Variants in FBXL13 observed in about 807,000 individuals in gnomAD.
FBXL13 encodes F-box and leucine-rich repeat protein 13.
Under a neutral mutation model 83.6 loss-of-function variants are expected in FBXL13, and 67 were observed. That is an observed-to-expected ratio of 0.80 (90% CI 0.66 to 0.98). FBXL13 has a LOEUF of 0.98. FBXL13 is among the 50% of genes least tolerant of loss of function. FBXL13 has a pLI of 0.00. For synonymous variants in FBXL13, 272 were observed against 299.5 expected (o/e 0.91, Z 0.95); for missense variants, 822 against 866.5 (o/e 0.95, Z 0.64).
chr7:102,885,649 T>C (rs1019057245), intron 11 of FBXL13, among the ~76,000 whole-genome samples: 6 of 152,220 alleles, frequency 3.9e-5, no homozygotes, highest in African/African-American at 1.4e-4. Flanking sequence ...TATTTTTTCT[T>C]TTGTTGTTCA....
exon 8 of FBXL13, chr7:102,963,602 A>T: frequency 6.2e-7 from 1 of 1,613,144 alleles, no homozygotes; most frequent in Non-Finnish European, 8.5e-7. Flanking sequence ...TTTAAACGCC[A>T]CCTTTGCAAA....
chr7:102,857,847 C>T (rs1806253715), intron 16 of FBXL13: 1 of 152,146 alleles, frequency 6.6e-6, no homozygotes, highest in African/African-American at 2.4e-5. Flanking sequence ...AACTCCTATA[C>T]ACTGTTGGTG....
chr7:103,009,035 A>G (rs1791297502), intron 6 of FBXL13, among the ~76,000 whole-genome samples: 1 of 152,160 alleles, frequency 6.6e-6, no homozygotes, highest in Non-Finnish European at 1.5e-5. Context: ...GGTATTTAAA[A>G]TGCATATTTT....
At chr7:102,904,708 GTTTA>G (rs1813482365) in intron 11 of FBXL13, among the ~76,000 whole-genome samples, 1 of 149,564 alleles carries the variant, frequency 6.7e-6, no homozygotes, top group Admixed American at 6.7e-5. Context: ...TCATCAGATT[GTTTA>G]TTTATAGTTT....
At chr7:102,962,351 G>A (rs1825367003) in intron 8 of FBXL13, among the ~76,000 whole-genome samples, 1 of 152,184 alleles carries the variant, frequency 6.6e-6, no homozygotes, top group African/African-American at 2.4e-5. Flanking sequence ...TGGAGAGGAT[G>A]TGGAGAAATA....
intron 11 of FBXL13, among the ~76,000 whole-genome samples, chr7:102,912,687 A>C (rs1814978885): frequency 8.5e-6 from 1 of 117,846 alleles, no homozygotes; most frequent in African/African-American, 3.1e-5. Context: ...CCCCCCCCAA[A>C]AAAAAACCCA....
At chr7:102,944,481 C>A (rs1364971213) in intron 8 of FBXL13, 11 of 1,613,804 alleles carry the variant, frequency 6.8e-6, no homozygotes, top group African/African-American at 1.3e-5. Context: ...ATGAAGAATG[C>A]CCCAAAGACA....
At chr7:103,015,038 C>A (rs188980254) in intron 6 of FBXL13, among the ~76,000 whole-genome samples, 1 of 151,366 alleles carries the variant, frequency 6.6e-6, no homozygotes. Flanking sequence ...AAGGTTGGTT[C>A]AACACATGCA....
intron 8 of FBXL13, chr7:102,934,221 A>C: frequency 1.2e-6 from 2 of 1,614,224 alleles, no homozygotes; most frequent in Non-Finnish European, 1.7e-6. Flanking sequence ...ATGTTTTCCA[A>C]GTTTAAAAAG....
At chr7:102,891,479 A>G (rs1188961386) in intron 11 of FBXL13, among the ~76,000 whole-genome samples, 2 of 152,248 alleles carry the variant, frequency 1.3e-5, no homozygotes, top group East Asian at 1.9e-4. Context: ...CATCTTAGCC[A>G]TAACTGTATC....
intron 11 of FBXL13, among the ~76,000 whole-genome samples, chr7:102,909,192 G>A (rs1041432472): frequency 3.9e-5 from 6 of 152,206 alleles, no homozygotes; most frequent in African/African-American, 1.4e-4. Flanking sequence ...CCCAGGCCAT[G>A]AGTAGTATTG....
chr7:102,825,901 A>G (rs1488223838), intron 18 of FBXL13, among the ~76,000 whole-genome samples: 45 of 152,226 alleles, frequency 3.0e-4, no homozygotes, highest in Non-Finnish European at 5.9e-5. Flanking sequence ...TCCGAGCCTC[A>G]GTTTCCCCAT....
At chr7:102,967,903 A>G (rs1826165326) in intron 7 of FBXL13, 119 bp downstream of exon 8, 2 of 605,736 alleles carry the variant, frequency 3.3e-6, no homozygotes, top group Non-Finnish European at 5.6e-6. Flanking sequence ...AACCAAATTC[A>G]CTTGCTGCTG....
intron 6 of FBXL13, among the ~76,000 whole-genome samples, chr7:103,003,727 G>A (rs1205005203): frequency 2.6e-5 from 4 of 151,940 alleles, no homozygotes; most frequent in Admixed American, 6.6e-5. Flanking sequence ...GATTACAGGC[G>A]TGTGCAACAC....
At chr7:102,829,361 A>T (rs1343531675) in intron 18 of FBXL13, among the ~76,000 whole-genome samples, 1 of 152,216 alleles carries the variant, frequency 6.6e-6, no homozygotes, top group African/African-American at 2.4e-5. Context: ...CCTGCTTCAC[A>T]TCACCTACAC....
intron 17 of FBXL13, among the ~76,000 whole-genome samples, chr7:102,847,499 G>T (rs1804206305): frequency 6.6e-6 from 1 of 151,960 alleles, no homozygotes; most frequent in Non-Finnish European, 1.5e-5. Context: ...AGACAAAAAG[G>T]TAATTCTTTA....
intron 8 of FBXL13, among the ~76,000 whole-genome samples, chr7:102,935,825 G>A (rs1174303792): frequency 1.3e-5 from 2 of 152,198 alleles, no homozygotes; most frequent in African/African-American, 2.4e-5. Context: ...ATAGAGCACA[G>A]TATCATTTCT....
At chr7:102,928,124 TG>T (rs1204605224) in intron 9 of FBXL13, among the ~76,000 whole-genome samples, 1 of 152,208 alleles carries the variant, frequency 6.6e-6, no homozygotes, top group Non-Finnish European at 1.5e-5. Flanking sequence ...TGCATTTTCC[TG>T]TCTAAAGAAG....
At chr7:103,074,223 C>G in intron 1 of FBXL13, 1 of 993,898 alleles carries the variant, frequency 1.0e-6, no homozygotes, top group Non-Finnish European at 1.2e-6. Flanking sequence ...GCCCTCACGG[C>G]TCCATGGAAA....
Sources: allele counts gnomAD v4.1 joint callset (sites outside exome capture counted in the v4.1 genomes callset), GRCh38; gene constraint gnomAD v4.1.1; transcripts MANE v1.5; gene names NCBI Gene and HGNC (gene_info 2026-07-23, HGNC 2026-07-21).